FCHSD2: variants seen among roughly 807,000 people sequenced by gnomAD.
FCHSD2 encodes F-BAR and double SH3 domains protein 2.
Under a neutral mutation model 108.1 loss-of-function variants are expected in FCHSD2, and 38 were observed. The ratio of observed to expected loss-of-function variants is 0.35; its 90% CI spans 0.27 to 0.46. The LOEUF is 0.46. Among genes scored for constraint, FCHSD2 ranks in the 20% least tolerant of loss-of-function variants. FCHSD2 has a pLI of 1.00. For missense variants in FCHSD2, 751 were observed against 897.8 expected (o/e 0.84, Z 2.09); for synonymous variants, 279 against 314.7 (o/e 0.89, Z 1.20).
At chr11:72,909,059 C>G (rs184243700) in intron 9 of FCHSD2, among the ~76,000 whole-genome samples, 22 of 152,260 alleles carry the variant, frequency 1.4e-4, no homozygotes, top group South Asian at 8.3e-4. Context: ...TCCCCTCCCC[C>G]CTCCATCTCT....
At chr11:72,908,764 T>G (rs931847053) in intron 9 of FCHSD2, among the ~76,000 whole-genome samples, 3 of 152,122 alleles carry the variant, frequency 2.0e-5, no homozygotes, top group Non-Finnish European at 4.4e-5. Context: ...CCTCCCTGGC[T>G]CAAGAGATCC....
At chr11:73,046,007 T>A (rs1858756094) in intron 3 of FCHSD2, among the ~76,000 whole-genome samples, 1 of 121,018 alleles carries the variant, frequency 8.3e-6, no homozygotes, top group African/African-American at 3.1e-5. Context: ...TTTTTTTTTT[T>A]AGAGACAGGG....
intron 3 of FCHSD2, among the ~76,000 whole-genome samples, chr11:73,061,683 A>G (rs2135488448): frequency 6.6e-6 from 1 of 152,298 alleles, no homozygotes; most frequent in Middle Eastern, 3.4e-3. Flanking sequence ...CTCACAGTAT[A>G]AACAAAGCCT....
chr11:72,844,508 G>C (rs3814730), intron 14 of FCHSD2, among the ~76,000 whole-genome samples: 1 of 152,046 alleles, frequency 6.6e-6, no homozygotes, highest in African/African-American at 2.4e-5. Context: ...CAATCCACCA[G>C]CATCAGCCAC....
chr11:72,901,076 G>A (rs943252101), intron 10 of FCHSD2, among the ~76,000 whole-genome samples: 4 of 152,090 alleles, frequency 2.6e-5, no homozygotes, highest in East Asian at 1.9e-4. Flanking sequence ...ACTCAAGGAC[G>A]ATTACTGTAT....
In FCHSD2 at chr11:72,849,610, CTCATCACCAT is replaced by C; in HGVS notation, c.1443+135_1443+144del. 4 of 669,050 alleles carry C rather than the reference CTCATCACCAT, an allele frequency of 6.0e-6. No individual in the cohort carries two copies. The South Asian group carries it at 7.8e-5, about 13-fold the overall frequency. The allele number at this position is 669,050 out of a possible 1,614,324, so 41.4% of individuals were successfully genotyped here. ...GAAAGACGTCAAGTCAGAGCCTAAA[CTCATCACCAT>C]TCTGTTATGTTGCCCCAATATTAAC... is the stretch of plus-strand genomic sequence containing the variant. On this transcript the variant is annotated intron_variant, in intron 14 of 19. Transcript: ENST00000409418.
intron 8 of FCHSD2, among the ~76,000 whole-genome samples, chr11:72,958,292 C>T (rs113340414): frequency 2.0e-5 from 3 of 152,090 alleles, no homozygotes; most frequent in African/African-American, 4.8e-5. Flanking sequence ...CTGAGGCAGG[C>T]GGATCACTTG....
At chr11:72,935,773 G>C (rs1856287420) in intron 8 of FCHSD2, among the ~76,000 whole-genome samples, 1 of 152,152 alleles carries the variant, frequency 6.6e-6, no homozygotes, top group Admixed American at 6.5e-5. Context: ...TAAAAGCACT[G>C]AGTTACTTCA....
At chr11:73,039,816 C>T (rs954601053) in intron 3 of FCHSD2, among the ~76,000 whole-genome samples, 3 of 152,048 alleles carry the variant, frequency 2.0e-5, no homozygotes, top group African/African-American at 7.2e-5. Context: ...ATAAGTAAAA[C>T]AGACTGCTAG....
chr11:73,110,805 T>C (rs1418766815), intron 2 of FCHSD2, among the ~76,000 whole-genome samples: 1 of 152,174 alleles, frequency 6.6e-6, no homozygotes, highest in African/African-American at 2.4e-5. Flanking sequence ...TAGGTACTTA[T>C]AGCTATGAAC....
rs549574408 is a variant in FCHSD2, at chr11:73,022,869, G to A, written c.166-6984C>T. Among the ~76,000 whole-genome samples the A allele has an allele frequency of 3.3e-5, 5 of 152,256 alleles. No homozygotes were observed. The South Asian group carries it at 1.0e-3, about 32-fold the overall frequency. ...AGATAGATCAGTGGAACAAAAGAGA[G>A]ATCCCAGAAATAGACCCATACAAAT... On this transcript the variant is annotated intron_variant, in intron 3 of 19. Transcript: ENST00000409418.
chr11:72,946,818 G>A (rs1286504215), intron 8 of FCHSD2, among the ~76,000 whole-genome samples: 4 of 152,150 alleles, frequency 2.6e-5, no homozygotes, highest in African/African-American at 9.7e-5. Flanking sequence ...TGAGTCCCAA[G>A]ATGTTAAGTA....
intron 3 of FCHSD2, among the ~76,000 whole-genome samples, chr11:73,082,618 C>T (rs1024782017): frequency 6.6e-6 from 1 of 152,042 alleles, no homozygotes; most frequent in African/African-American, 2.4e-5. Context: ...ATGCCCCAAT[C>T]TCTCATTATT....
chr11:72,928,062 T>C (rs949154088), intron 8 of FCHSD2, among the ~76,000 whole-genome samples: 1 of 152,348 alleles, frequency 6.6e-6, no homozygotes, highest in Non-Finnish European at 1.5e-5. Flanking sequence ...GGATGTGGTA[T>C]AATGTTAGTC....
intron 3 of FCHSD2, among the ~76,000 whole-genome samples, chr11:73,076,294 T>C (rs1394723134): frequency 6.6e-6 from 1 of 152,212 alleles, no homozygotes; most frequent in Admixed American, 6.5e-5. Flanking sequence ...AGCAATCTAA[T>C]GTTCACCAGT....
At chr11:72,872,754 G>A (rs1565299105) in intron 12 of FCHSD2, among the ~76,000 whole-genome samples, 2 of 152,084 alleles carry the variant, frequency 1.3e-5, no homozygotes, top group Non-Finnish European at 2.9e-5. Flanking sequence ...TGCTATAAAC[G>A]TGTGTGTATA....
chr11:73,020,489 T>C (rs1271725702), intron 3 of FCHSD2, among the ~76,000 whole-genome samples: 2 of 152,236 alleles, frequency 1.3e-5, no homozygotes, highest in African/African-American at 4.8e-5. Flanking sequence ...CAAGTGATCT[T>C]TTAACAATGA....
chr11:73,009,326 A>G lies in FCHSD2; in HGVS notation c.242+6483T>C, dbSNP rs140160021. 4.9e-3 allele frequency among the ~76,000 whole-genome samples: 743 copies of G among 152,148 alleles called. 14 individuals carry two copies. In the East Asian group the frequency reaches 0.08, roughly 16 times the overall value. On this transcript the variant is annotated intron_variant, in intron 4 of 19. Coordinates refer to ENST00000409418, the MANE Select transcript of FCHSD2 (RefSeq NM_014824.3). ...AGCCTGGCCAACATGGTGAAACTCCATCTCTACTAAAAATACAAAAATTAG... is the reference window on the plus strand; with the variant it reads ...AGCCTGGCCAACATGGTGAAACTCCGTCTCTACTAAAAATACAAAAATTAG...
rs72984911 is a variant in FCHSD2, at chr11:73,115,551, G to C, written c.119+24480C>G. Among the ~76,000 whole-genome samples the C allele has an allele frequency of 7.7e-3, 1,167 of 152,288 alleles. 10 individuals carry two copies. The highest frequency in any genetic ancestry group is 0.027 in the African/African-American group (1,108 of 41,558). ...TGTCTTCTGGCACTGGAGGGTGCAT[G>C]CATCAAGGTTCTTCAGAGAAACAGA... On this transcript the variant is annotated intron_variant, in intron 2 of 19. Coordinates refer to ENST00000409418, the MANE Select transcript of FCHSD2 (RefSeq NM_014824.3).
Sources: gnomAD v4.1 joint callset for allele counts (sites outside exome capture counted in the v4.1 genomes callset) on GRCh38, gnomAD v4.1.1 for gene constraint, MANE v1.5 for transcripts, NCBI Gene and HGNC (gene_info 2026-07-23, HGNC 2026-07-21) for gene names.